RAB11FIP3: variants seen among roughly 807,000 people sequenced by gnomAD.
RAB11FIP3 encodes the protein rab11 family-interacting protein 3.
A neutral mutation model predicts 77.8 loss-of-function variants in RAB11FIP3; 17 were observed. That is an observed-to-expected ratio of 0.22 (90% CI 0.15 to 0.33). The LOEUF (loss-of-function observed/expected upper bound fraction) is 0.33. RAB11FIP3 is among the 10% of genes least tolerant of loss of function. RAB11FIP3 has a pLI of 1.00. For missense variants in RAB11FIP3, 1,005 were observed against 1,011.2 expected (o/e 0.99, Z 0.08); for synonymous variants, 437 against 448.2 (o/e 0.98, Z 0.31).
At chr16:466,946 G>A (rs776844046) in intron 2 of RAB11FIP3, among the ~76,000 whole-genome samples, 14 of 152,200 alleles carry the variant, frequency 9.2e-5, no homozygotes, top group Non-Finnish European at 1.6e-4. Context: ...GGCTGGTGGA[G>A]GTGGCTGCAG....
intron 6 of RAB11FIP3, among the ~76,000 whole-genome samples, chr16:499,400 G>A (rs973845005): frequency 6.6e-5 from 10 of 152,178 alleles, no homozygotes; most frequent in Admixed American, 3.3e-4. Context: ...GAGGCCTCCC[G>A]TGCCTAGGAT....
At chr16:473,882 C>T (rs976878224) in intron 3 of RAB11FIP3, among the ~76,000 whole-genome samples, 4 of 152,162 alleles carry the variant, frequency 2.6e-5, no homozygotes, top group Admixed American at 6.5e-5. Context: ...CCACAACCAC[C>T]GATCCTCCGT....
Position 461,448 on chromosome 16 carries a change from G to T in RAB11FIP3, c.759G>T (p.Val253=). 3 of 1,613,998 alleles carry T rather than the reference G, an allele frequency of 1.9e-6. No homozygotes were observed. The highest frequency in any genetic ancestry group is 2.5e-6 in the Non-Finnish European group (3 of 1,180,002). The part of the protein sequence containing the change: ...TKYLDPSGLG[V]ISFEDFYQGI... ...ACTTGGATCCCAGTGGGCTCGGCGTGATCAGCTTTGAAGACTTCTACCAAG... is the reference window on the plus strand; with the variant it reads ...ACTTGGATCCCAGTGGGCTCGGCGTTATCAGCTTTGAAGACTTCTACCAAG... Residue 253 remains valine, a synonymous_variant, in exon 2 of 14, where the codon GTG becomes GTT. Transcript: ENST00000262305. The surrounding 1 kb of genome is among the most constrained non-coding windows in gnomAD (Gnocchi z 4.5).
intron 5 of RAB11FIP3, chr16:491,384 A>C: frequency 8.8e-7 from 1 of 1,141,716 alleles, no homozygotes; most frequent in Non-Finnish European, 1.1e-6. Flanking sequence ...AGGCAGCGGG[A>C]CTCTCCCTGG....
chr16:492,521 G>GT (rs2030646118), intron 5 of RAB11FIP3, among the ~76,000 whole-genome samples: 1 of 104,986 alleles, frequency 9.5e-6, no homozygotes, highest in South Asian at 3.7e-4. Flanking sequence ...GGGCCCTCCC[G>GT]GGAGACCCGA....
intron 1 of RAB11FIP3, among the ~76,000 whole-genome samples, chr16:434,147 A>G (rs1305698819): frequency 6.6e-6 from 1 of 152,186 alleles, no homozygotes; most frequent in Non-Finnish European, 1.5e-5. Context: ...TTTGAGACAG[A>G]GTTCACTATT....
At chr16:454,302 G>A (rs2055459319) in intron 1 of RAB11FIP3, among the ~76,000 whole-genome samples, 1 of 152,200 alleles carries the variant, frequency 6.6e-6, no homozygotes, top group Non-Finnish European at 1.5e-5. Context: ...TCTCTAGCCA[G>A]GCACAGTGGC....
chr16:469,545 C>A (rs993720800), intron 2 of RAB11FIP3, among the ~76,000 whole-genome samples: 3 of 152,084 alleles, frequency 2.0e-5, no homozygotes, highest in African/African-American at 7.2e-5. Context: ...CAGGCATGCC[C>A]CCACCACACC....
intron 4 of RAB11FIP3, 33 bp downstream of exon 4, chr16:482,769 C>G (rs2141731842): frequency 5.8e-6 from 9 of 1,556,456 alleles, no homozygotes; most frequent in Non-Finnish European, 7.8e-6. Context: ...CCTGGAGAGG[C>G]CTTGGGATGT....
At chr16:453,680 C>T (rs1299601346) in intron 1 of RAB11FIP3, among the ~76,000 whole-genome samples, 2 of 151,028 alleles carry the variant, frequency 1.3e-5, no homozygotes, top group Admixed American at 1.3e-4. Context: ...AACCTCTGCC[C>T]CCTGGGTTCA....
chr16:465,825 G>A (rs889370546), intron 2 of RAB11FIP3, among the ~76,000 whole-genome samples: 1 of 152,142 alleles, frequency 6.6e-6, no homozygotes. Context: ...GGCTGGTCGT[G>A]AACTCCTGAC....
rs1053729700 is a variant in RAB11FIP3 at position 506,326 on chromosome 16, G to T, written c.1499+699G>T. Among the ~76,000 whole-genome samples, 1 of 152,142 alleles carries T rather than the reference G, an allele frequency of 6.6e-6. No individual in the cohort carries two copies. The highest frequency in any genetic ancestry group is 1.5e-5 in the Non-Finnish European group (1 of 68,014). On this transcript the variant is annotated intron_variant, in intron 8 of 13. Transcript: ENST00000262305. This position sits in a 1 kb window ranked among gnomAD's most constrained non-coding sequence, Gnocchi z 4.5. ...CTTGTCCCAGGAGTCAGCTACCCAG[G>T]CTATGACACCTGTAGCTGGGCACCG...
chr16:455,308 CG>C (rs2055483746), intron 1 of RAB11FIP3, among the ~76,000 whole-genome samples: 1 of 151,144 alleles, frequency 6.6e-6, no homozygotes, highest in South Asian at 2.1e-4. Flanking sequence ...GGCGAAACCC[CG>C]TCTCTACTAC....
At chr16:519,294 C>T (rs1489321183) in intron 10 of RAB11FIP3, among the ~76,000 whole-genome samples, 1 of 152,238 alleles carries the variant, frequency 6.6e-6, no homozygotes, top group African/African-American at 2.4e-5. Context: ...CCACTTATGC[C>T]CCAACCACTG....
At chr16:490,216 C>T (rs894930813) in intron 5 of RAB11FIP3, among the ~76,000 whole-genome samples, 2 of 152,358 alleles carry the variant, frequency 1.3e-5, no homozygotes, top group Non-Finnish European at 2.9e-5. Context: ...CATGTGGGTC[C>T]CAGCGCCCGC....
chr16:505,173 T>C lies in RAB11FIP3; in HGVS notation c.1396-351T>C, dbSNP rs984611727. Among the ~76,000 whole-genome samples the C allele has an allele frequency of 6.6e-6, 1 of 151,866 alleles. No individual in the cohort carries two copies. The highest frequency in any genetic ancestry group is 1.5e-5 in the Non-Finnish European group (1 of 67,984). ...CCCTTGCATCCATGGGCACCTGGGC[T>C]GCCTCTGTGAGCTGCATCTGGCTGA... On this transcript the variant is annotated intron_variant, in intron 7 of 13. Transcript: ENST00000262305. This position sits in a 1 kb window ranked among gnomAD's most constrained non-coding sequence, Gnocchi z 4.0.
At chr16:519,489 C>A (rs964202756) in intron 10 of RAB11FIP3, among the ~76,000 whole-genome samples, 1 of 152,248 alleles carries the variant, frequency 6.6e-6, no homozygotes, top group Non-Finnish European at 1.5e-5. Context: ...GCCACTGAGT[C>A]AGGTCCTGTC....
chr16:512,247 G>A (rs1046271957), intron 9 of RAB11FIP3, among the ~76,000 whole-genome samples: 1 of 151,320 alleles, frequency 6.6e-6, no homozygotes, highest in East Asian at 1.9e-4. Flanking sequence ...TTGGGTGGGG[G>A]TGGGTGGGTT....
Position 506,544 on chromosome 16 carries a change from T to C in RAB11FIP3, c.1499+917T>C, listed in dbSNP as rs550094073. 1.1e-4 allele frequency among the ~76,000 whole-genome samples: 16 copies of C among 152,164 alleles called. No homozygotes were observed. The highest frequency in any genetic ancestry group is 1.5e-5 in the Non-Finnish European group (1 of 68,034). ...AGTGTCTTCATCACCACTGAGCAGG[T>C]AGATTCAGGGCTCTGAGCAGCCTGC... On this transcript the variant is annotated intron_variant, in intron 8 of 13. Transcript: ENST00000262305. This position sits in a 1 kb window ranked among gnomAD's most constrained non-coding sequence, Gnocchi z 4.5.
Sources: gnomAD v4.1 joint callset for allele counts (sites outside exome capture counted in the v4.1 genomes callset) on GRCh38, gnomAD v4.1.1 for gene constraint, Gnocchi (gnomAD v3.1) non-coding constraint, MANE v1.5 for transcripts, NCBI Gene and HGNC (gene_info 2026-07-23, HGNC 2026-07-21) for gene names.